The following MAPKBP1 variants were observed in gnomAD, a reference collection of about 807,000 sequenced individuals.
MAPKBP1 encodes the protein mitogen-activated protein kinase binding protein 1, also known as mitogen-activated protein kinase-binding protein 1.
In MAPKBP1, 71 loss-of-function variants were observed where a neutral mutation model predicts 170.5. That is an observed-to-expected ratio of 0.42 (90% CI 0.34 to 0.51). The LOEUF is 0.51. Ranked by LOEUF, MAPKBP1 falls within the 20% of genes least tolerant of loss-of-function variation. MAPKBP1 has a pLI of 0.06. For missense variants in MAPKBP1, 1,598 were observed against 1,933.0 expected (o/e 0.83, Z 3.25); for synonymous variants, 719 against 757.9 (o/e 0.95, Z 0.84).
At position 41,817,131 on chromosome 15, in the gene MAPKBP1, G is replaced by A; in HGVS notation, c.1711+96G>A. ...AGAAGGGTCTGCCCATTGTGGGGGA[G>A]TGTTGGACAGCAGCTGGGAGGCCTG... On this transcript the variant is annotated intron_variant, in intron 14 of 30. Coordinates refer to ENST00000457542, the MANE Select transcript of MAPKBP1 (RefSeq NM_014994.3). This position sits in a 1 kb window ranked among gnomAD's most constrained non-coding sequence, Gnocchi z 4.2. 1 of 1,510,108 alleles carries A rather than the reference G, an allele frequency of 6.6e-7. No homozygotes were observed. Among genetic ancestry groups the A allele is most frequent in the Non-Finnish European group, 8.9e-7 (1 of 1,126,420 alleles). The allele number at this position is 1,510,108 out of a possible 1,614,324, so 93.5% of individuals were successfully genotyped here.
Position 41,825,427 on chromosome 15 carries a change from C to A in MAPKBP1, c.4518C>A (p.Arg1506=). 6.2e-7 allele frequency: 1 copy of A among 1,604,294 alleles called. No homozygotes were observed. Among genetic ancestry groups the A allele is most frequent in the Non-Finnish European group, 8.5e-7 (1 of 1,172,932 alleles). ...GAGCCGTGGAACGGCGTATGGAACG[C>A]AAACTCTGAGTTCTGGAAGCCTGTC... ...LLRAVERRME[R]KL is the part of the protein sequence containing the mutation. Residue 1506 remains arginine, a synonymous_variant, in exon 31 of 31, where the codon CGC becomes CGA. Transcript: ENST00000457542.
Position 41,811,220 on chromosome 15 carries a change from C to G in MAPKBP1, c.312C>G (p.Tyr104Ter). 6.2e-7 allele frequency: 1 copy of G among 1,614,258 alleles called. No homozygotes were observed. Among genetic ancestry groups the G allele is most frequent in the Non-Finnish European group, 8.5e-7 (1 of 1,180,046 alleles). ...TTGCCTTCTCCCCTGATGGCAAGTA[C>G]TTGGTCACTGGAGAGGTGAGTGAGG... Reference protein sequence around the residue: ...TALAFSPDGKYLVTGESGHMP... With the variant: ...TALAFSPDGK Residue 104 changes from tyrosine (Y) to a stop codon, truncating the protein, a stop_gained, in exon 5 of 31, where the codon TAC becomes TAG. Coordinates refer to ENST00000457542, the MANE Select transcript of MAPKBP1 (RefSeq NM_014994.3). LOFTEE classifies it high-confidence loss of function.
At chr15:41,806,725 G>A (rs556835012) in intron 3 of MAPKBP1, among the ~76,000 whole-genome samples, 82 of 152,358 alleles carry the variant, frequency 5.4e-4, no homozygotes, top group African/African-American at 1.9e-3. Flanking sequence ...TTGGCATGTG[G>A]TGGATCCCAG....
At chr15:41,795,671 A>G (rs1435581112) in intron 2 of MAPKBP1, among the ~76,000 whole-genome samples, 4 of 152,128 alleles carry the variant, frequency 2.6e-5, no homozygotes, top group South Asian at 2.1e-4. Context: ...CAGTGGTGCA[A>G]TCTCGGTTCA....
intron 27 of MAPKBP1, 65 bp from the exon 28 acceptor site, chr15:41,822,874 C>T (rs1448094161): frequency 5.2e-6 from 8 of 1,541,892 alleles, no homozygotes; most frequent in African/African-American, 1.4e-5. Flanking sequence ...ATGAGTTTCT[C>T]GCCATTTTGG....
At chr15:41,825,019 A>G (rs554012719) in intron 30 of MAPKBP1, 190 bp from the exon 31 acceptor site, 192 of 558,324 alleles carry the variant, frequency 3.4e-4, no homozygotes, top group Middle Eastern at 4.7e-4. Context: ...CTGCAATCCA[A>G]TGGGTTCCTC....
At chr15:41,798,824 C>T (rs140991260) in intron 2 of MAPKBP1, among the ~76,000 whole-genome samples, 15 of 152,282 alleles carry the variant, frequency 9.9e-5, no homozygotes, top group East Asian at 7.7e-4. Context: ...TTCACATGTC[C>T]GTCCTGCATT....
chr15:41,823,422 G>GT (rs1410007641), intron 28 of MAPKBP1, 25 bp from the exon 29 acceptor site: 2 of 1,598,974 alleles, frequency 1.3e-6, no homozygotes, highest in East Asian at 4.5e-5. Context: ...CACCTGACCT[G>GT]TGTATACCTC....
intron 2 of MAPKBP1, among the ~76,000 whole-genome samples, chr15:41,786,731 C>G (rs186811936): frequency 8.0e-6 from 1 of 125,486 alleles, no homozygotes; most frequent in East Asian, 2.1e-4. Context: ...CGCCACTGCA[C>G]TCCAGCATGG....
At chr15:41,796,352 C>T (rs768707501) in intron 2 of MAPKBP1, among the ~76,000 whole-genome samples, 2 of 152,108 alleles carry the variant, frequency 1.3e-5, no homozygotes, top group Admixed American at 6.5e-5. Context: ...GGAAAGGAGG[C>T]GAGGAAGAAG....
rs1003759341 is a variant in MAPKBP1 at position 41,822,813 on chromosome 15, T to C, written c.3315-126T>C. On this transcript the variant is annotated intron_variant, in intron 27 of 30. Transcript: ENST00000457542. Reference sequence around the variant, plus strand: ...TCCCAGTTTTGGGCTAACTGGCCTTTCCCCAGCCCTATCTGGCTTTGTGCT... The same window carrying C: ...TCCCAGTTTTGGGCTAACTGGCCTTCCCCCAGCCCTATCTGGCTTTGTGCT... 7 of 1,468,596 alleles carry C rather than the reference T, an allele frequency of 4.8e-6. No homozygotes were observed. In the African/African-American group the frequency reaches 7.0e-5, roughly 15 times the overall value. 91.0% of individuals were successfully genotyped at this position (1,468,596 alleles called of 1,614,324 possible).
chr15:41,780,561 G>C (rs1044637299), intron 2 of MAPKBP1, among the ~76,000 whole-genome samples: 2 of 152,174 alleles, frequency 1.3e-5, no homozygotes, highest in Non-Finnish European at 2.9e-5. Flanking sequence ...AGAAGGATTT[G>C]TTATATTATA....
At chr15:41,816,393 A>G in intron 12 of MAPKBP1, 166 bp from the exon 13 acceptor site, 1 of 584,560 alleles carries the variant, frequency 1.7e-6, no homozygotes, top group African/African-American at 1.9e-5. Context: ...CATTAGGGAA[A>G]GCTGGGTAAG....
At chr15:41,822,470 C>T in intron 26 of MAPKBP1, 48 bp downstream of exon 26, 1 of 1,605,428 alleles carries the variant, frequency 6.2e-7, no homozygotes. Flanking sequence ...GCCCTTCTCC[C>T]CTCCTTGCCT....
chr15:41,803,434 A>AAAAAAAAT (rs58804270), intron 3 of MAPKBP1, among the ~76,000 whole-genome samples: 2 of 90,780 alleles, frequency 2.2e-5, no homozygotes, highest in South Asian at 4.0e-4. Flanking sequence ...AAAAAAAAAA[A>AAAAAAAAT]AGGTTAAGCA....
At chr15:41,785,211 T>G (rs1321099773) in intron 2 of MAPKBP1, among the ~76,000 whole-genome samples, 1 of 152,224 alleles carries the variant, frequency 6.6e-6, no homozygotes, top group Non-Finnish European at 1.5e-5. Flanking sequence ...GGTCCTTTTT[T>G]GTAGGCTCGC....
At chr15:41,782,704 G>A (rs1313183303) in intron 2 of MAPKBP1, among the ~76,000 whole-genome samples, 1 of 152,072 alleles carries the variant, frequency 6.6e-6, no homozygotes, top group Non-Finnish European at 1.5e-5. Context: ...GCACAGCATG[G>A]CACTGACTGC....
At chr15:41,787,779 G>A (rs1369004396) in intron 2 of MAPKBP1, among the ~76,000 whole-genome samples, 2 of 152,180 alleles carry the variant, frequency 1.3e-5, no homozygotes, top group African/African-American at 2.4e-5. Context: ...TATGGCACAT[G>A]GATTATGTTA....
chr15:41,789,789 A>G (rs941799747), intron 2 of MAPKBP1, among the ~76,000 whole-genome samples: 2 of 152,202 alleles, frequency 1.3e-5, no homozygotes, highest in Admixed American at 6.5e-5. Flanking sequence ...TTAATGTTAA[A>G]TATAGCATGA....
Sources: allele counts gnomAD v4.1 joint callset (sites outside exome capture counted in the v4.1 genomes callset), GRCh38; gene constraint gnomAD v4.1.1; non-coding constraint Gnocchi (gnomAD v3.1); transcripts MANE v1.5; gene names NCBI Gene and HGNC (gene_info 2026-07-23, HGNC 2026-07-21).